The following ADGRV1 variants were observed in gnomAD, a reference collection of about 807,000 sequenced individuals.
The protein encoded by ADGRV1 is G-protein coupled receptor 98.
Under a neutral mutation model 596.2 loss-of-function variants are expected in ADGRV1, and 359 were observed. That is an observed-to-expected ratio of 0.60 (90% CI 0.55 to 0.66). The LOEUF (loss-of-function observed/expected upper bound fraction) is 0.66. ADGRV1 is among the 30% of genes least tolerant of loss of function. The probability of loss-of-function intolerance (pLI) is 0.00; values close to 1 mark genes in which losing one functional copy is unlikely to be tolerated. For missense variants in ADGRV1, 7,274 were observed against 7,575.6 expected (o/e 0.96, Z 1.48); for synonymous variants, 2,681 against 2,679.2 (o/e 1.00, Z -0.02).
chr5:90,660,253 G>A lies in ADGRV1; in HGVS notation c.4752+1975G>A, dbSNP rs1006458557. Among the ~76,000 whole-genome samples, 4 of 151,932 alleles carry A rather than the reference G, an allele frequency of 2.6e-5. No homozygotes were observed. The East Asian group carries it at 7.7e-4, about 29-fold the overall frequency. The stretch of plus-strand genomic sequence containing the variant: ...GTTTATTATTGCTGTCTTAAAATGA[G>A]TTATCAATATTTAAATTTTTAATTT... On this transcript the variant is annotated intron_variant, in intron 21 of 89. Coordinates refer to ENST00000405460, the MANE Select transcript of ADGRV1 (RefSeq NM_032119.4).
At chr5:90,697,264 G>A (rs777002454) in intron 34 of ADGRV1, 118 bp downstream of exon 34, 1 of 908,128 alleles carries the variant, frequency 1.1e-6, no homozygotes, top group Non-Finnish European at 1.7e-6. Flanking sequence ...CTGTGTGTGT[G>A]TTAATCTGCA....
At position 90,789,784 on chromosome 5, in the gene ADGRV1, C is replaced by A; in HGVS notation, c.13976C>A (p.Ala4659Asp). ...LSKKTYSEPL[A>D]LEGPLLITFF... Reference sequence around the variant, plus strand: ...AAGAAGACTTATTCAGAGCCTCTGGCTCTGGAAGGGCCCCTGCTCATTACC... The same window carrying A: ...AAGAAGACTTATTCAGAGCCTCTGGATCTGGAAGGGCCCCTGCTCATTACC... Residue 4659 changes from alanine (A) to aspartate (D), a missense_variant, in exon 69 of 90, where the codon GCT (alanine) becomes GAT (aspartate). By Grantham distance (126) the Ala-to-Asp change is moderately radical (BLOSUM62 -2). Around this residue, in one of 5 missense-constraint regions of ADGRV1, gnomAD observed 3,643 missense variants for 3,809.2 expected, o/e 0.96. Coordinates refer to ENST00000405460, the MANE Select transcript of ADGRV1 (RefSeq NM_032119.4). 6.5e-7 allele frequency: 1 copy of A among 1,547,416 alleles called. No individual in the cohort carries two copies. Among genetic ancestry groups the A allele is most frequent in the South Asian group, 1.2e-5 (1 of 81,608 alleles).
chr5:90,564,195 G>A (rs1033248968), intron 1 of ADGRV1, among the ~76,000 whole-genome samples: 5 of 152,160 alleles, frequency 3.3e-5, no homozygotes, highest in African/African-American at 4.8e-5. Context: ...TCCAATCTGC[G>A]ATTATAAAGC....
At chr5:90,856,476 C>G (rs1767033839) in intron 82 of ADGRV1, among the ~76,000 whole-genome samples, 1 of 152,094 alleles carries the variant, frequency 6.6e-6, no homozygotes, top group Non-Finnish European at 1.5e-5. Flanking sequence ...AAACTATTTA[C>G]CCAACAACAT....
At chr5:90,578,309 T>G (rs6452896) in intron 1 of ADGRV1, among the ~76,000 whole-genome samples, 2 of 152,012 alleles carry the variant, frequency 1.3e-5, no homozygotes, top group African/African-American at 4.8e-5. Flanking sequence ...TTATTGAGAG[T>G]TTTTAGCATG....
At chr5:90,833,531 A>C (rs1764697145) in intron 77 of ADGRV1, among the ~76,000 whole-genome samples, 1 of 152,078 alleles carries the variant, frequency 6.6e-6, no homozygotes. Context: ...GCAATCCACC[A>C]ACTTCAGCTA....
chr5:90,756,598 C>A lies in ADGRV1; in HGVS notation c.11725C>A (p.Pro3909Thr), dbSNP rs745891354. The change falls in exon 56 of 90, where the codon CCC becomes ACC. Residue 3909 changes from proline to threonine, a missense_variant. By Grantham distance (38) the Pro-to-Thr change is conservative. Transcript: ENST00000405460. The stretch of plus-strand genomic sequence containing the variant: ...GATAATGATAGAAGAAAATGACGAT[C>A]CCAGAGGAATTTTTATGTTTCATGT... ...AEIMIEENDD[P>T]RGIFMFHVTR... is the part of the protein sequence containing the mutation. 13 of 1,613,602 alleles carry A rather than the reference C, an allele frequency of 8.1e-6. 1 individual carries two copies. Among genetic ancestry groups the A allele is most frequent in the Non-Finnish European group, 1.1e-5 (13 of 1,179,642 alleles).
chr5:90,965,631 C>T, intron 84 of ADGRV1, 100 bp downstream of exon 84: 1 of 615,560 alleles, frequency 1.6e-6, no homozygotes, highest in South Asian at 2.3e-5. Context: ...AGAAGTAATT[C>T]CGTATATCCA....
chr5:90,674,020 A>G, intron 22 of ADGRV1, 34 bp from the exon 23 acceptor site: 4 of 1,508,570 alleles, frequency 2.7e-6, no homozygotes, highest in Non-Finnish European at 2.7e-6. Context: ...TAAATGCCTC[A>G]TTGCTTAGTG....
rs775205741 is a variant in ADGRV1 at position 90,642,702 on chromosome 5, T to A, written c.2307T>A (p.Asn769Lys). 5.6e-6 allele frequency: 9 copies of A among 1,613,458 alleles called. No homozygotes were observed. Among genetic ancestry groups the A allele is most frequent in the Non-Finnish European group, 7.6e-6 (9 of 1,179,608 alleles). The change falls in exon 12 of 90, where the codon AAT becomes AAA. Residue 769 changes from asparagine (N) to lysine (K), a missense_variant. Transcript: ENST00000405460. ...YTSRDLIILE[N>K]DDPGGVFEFS... Reference sequence around the variant, plus strand: ...GCCGTGACCTAATTATTTTGGAAAATGATGACCCTGGGGGAGTTTTTGAAT... The same window carrying A: ...GCCGTGACCTAATTATTTTGGAAAAAGATGACCCTGGGGGAGTTTTTGAAT...
intron 11 of ADGRV1, among the ~76,000 whole-genome samples, chr5:90,639,468 A>T (rs1766695754): frequency 6.6e-6 from 1 of 152,144 alleles, no homozygotes; most frequent in Non-Finnish European, 1.5e-5. Context: ...TTCATTTTTA[A>T]ATCTTATGTA....
intron 83 of ADGRV1, among the ~76,000 whole-genome samples, chr5:90,924,563 T>G (rs1318280804): frequency 6.6e-6 from 1 of 151,230 alleles, no homozygotes. Flanking sequence ...TTGTGAAAAT[T>G]TTCTCCCATT....
At chr5:90,915,459 G>A (rs1411006650) in intron 83 of ADGRV1, among the ~76,000 whole-genome samples, 1 of 152,104 alleles carries the variant, frequency 6.6e-6, no homozygotes, top group Non-Finnish European at 1.5e-5. Flanking sequence ...AGGAATTTGG[G>A]GAAGAGCCAC....
intron 83 of ADGRV1, chr5:90,929,585 CT>C (rs1775006550): frequency 6.4e-6 from 1 of 155,328 alleles, no homozygotes; most frequent in Non-Finnish European, 1.4e-5. Flanking sequence ...CAGAAATCAC[CT>C]GGCTTCTGCG....
chr5:90,577,427 A>C (rs184595370), intron 1 of ADGRV1, among the ~76,000 whole-genome samples: 2 of 152,300 alleles, frequency 1.3e-5, no homozygotes, highest in East Asian at 3.9e-4. Flanking sequence ...AGATGGTTGC[A>C]GATGTGTGGT....
intron 60 of ADGRV1, 44 bp downstream of exon 60, chr5:90,774,347 A>G (rs1757997771): frequency 9.1e-7 from 1 of 1,100,624 alleles, no homozygotes; most frequent in Non-Finnish European, 1.4e-6. Flanking sequence ...GTAAATTCTC[A>G]GAAAAAATGT....
chr5:91,094,072 G>A (rs993887318), intron 86 of ADGRV1, among the ~76,000 whole-genome samples: 6 of 151,836 alleles, frequency 4.0e-5, no homozygotes, highest in African/African-American at 7.3e-5. Context: ...GGACAGTCTC[G>A]AGCTCCTGGC....
intron 85 of ADGRV1, among the ~76,000 whole-genome samples, chr5:91,052,811 TTTCTG>T (rs1260291445): frequency 6.6e-6 from 1 of 152,126 alleles, no homozygotes; most frequent in Non-Finnish European, 1.5e-5. Flanking sequence ...AAGAGAAACT[TTTCTG>T]TATCAATAAA....
chr5:91,149,749 C>A (rs946020845), intron 87 of ADGRV1, among the ~76,000 whole-genome samples: 19 of 139,408 alleles, frequency 1.4e-4, no homozygotes, highest in Admixed American at 5.7e-4. Context: ...AGGAGAATCA[C>A]TTGAGTCTGA....
Sources: allele counts gnomAD v4.1 joint callset (sites outside exome capture counted in the v4.1 genomes callset), GRCh38; gene constraint gnomAD v4.1.1; regional missense constraint gnomAD v4.1.1; transcripts MANE v1.5; gene names NCBI Gene and HGNC (gene_info 2026-07-23, HGNC 2026-07-21).